Variants in TULP3 observed in about 807,000 individuals in gnomAD.
The protein encoded by TULP3 is TUB like protein 3.
A neutral mutation model predicts 50.7 loss-of-function variants in TULP3; 38 were observed. The observed-to-expected ratio is 0.75, with a 90% CI of 0.58 to 0.98. The LOEUF (loss-of-function observed/expected upper bound fraction) is 0.98. Among genes scored for constraint, TULP3 ranks in the 50% least tolerant of loss-of-function variants. The pLI, the probability that TULP3 is intolerant of heterozygous loss-of-function variation, is 0.00. For missense variants in TULP3, 550 were observed against 568.0 expected (o/e 0.97, Z 0.32); for synonymous variants, 183 against 196.6 (o/e 0.93, Z 0.58).
intron 2 of TULP3, among the ~76,000 whole-genome samples, chr12:2,911,658 C>T (rs2098185689): frequency 9.5e-6 from 1 of 104,826 alleles, no homozygotes; most frequent in South Asian, 3.4e-4. Flanking sequence ...AGCCACTGCG[C>T]CCAGCCTTTT....
At chr12:2,900,645 A>G (rs1444912964) in intron 1 of TULP3, among the ~76,000 whole-genome samples, 1 of 151,498 alleles carries the variant, frequency 6.6e-6, no homozygotes, top group Non-Finnish European at 1.5e-5. Flanking sequence ...TATTGTTAAT[A>G]GTTTGTGTAT....
intron 1 of TULP3, among the ~76,000 whole-genome samples, chr12:2,906,764 A>G (rs929533458): frequency 1.3e-5 from 2 of 150,934 alleles, no homozygotes; most frequent in Admixed American, 6.6e-5. Flanking sequence ...AAAAATACAA[A>G]AATTAGCCGG....
chr12:2,907,475 C>CAAAAAAAAAAAA (rs60356460), intron 1 of TULP3, among the ~76,000 whole-genome samples: 5 of 95,786 alleles, frequency 5.2e-5, no homozygotes, highest in African/African-American at 1.4e-4. Flanking sequence ...ACTCCGTCTC[C>CAAAAAAAAAAAA]AAAAAAAAAA....
chr12:2,899,414 C>G (rs1019684199), intron 1 of TULP3, among the ~76,000 whole-genome samples: 6 of 151,400 alleles, frequency 4.0e-5, no homozygotes, highest in African/African-American at 9.7e-5. Flanking sequence ...TGACGGCAGG[C>G]CAGATTTGGC....
At position 2,909,586 on chromosome 12, in the gene TULP3, C is replaced by A. The variant is rs758298497; in HGVS notation, c.93+6C>A. On this transcript the variant is annotated splice_donor_region_variant and intron_variant, in intron 2 of 10. Coordinates refer to ENST00000448120, the MANE Select transcript of TULP3 (RefSeq NM_003324.5). The stretch of plus-strand genomic sequence containing the variant: ...AGGCTAAGCTGGATTATCAGGTGAG[C>A]AGAGTCTCCTCTTTTGAAATAGGTG... The A allele has an allele frequency of 1.9e-6, 3 of 1,581,786 alleles. No homozygotes were observed. Among genetic ancestry groups the A allele is most frequent in the Non-Finnish European group, 2.6e-6 (3 of 1,170,850 alleles).
At chr12:2,895,068 G>A (rs1190472662) in intron 1 of TULP3, among the ~76,000 whole-genome samples, 2 of 152,136 alleles carry the variant, frequency 1.3e-5, no homozygotes, top group African/African-American at 4.8e-5. Flanking sequence ...TTAACTTCTG[G>A]ATTAAATCAT....
chr12:2,929,955 A>C (rs2098196980), intron 4 of TULP3, among the ~76,000 whole-genome samples: 1 of 152,190 alleles, frequency 6.6e-6, no homozygotes, highest in Non-Finnish European at 1.5e-5. Context: ...TAAGTGTATT[A>C]ACAATGTTGT....
At chr12:2,915,814 G>A (rs573930300) in intron 2 of TULP3, among the ~76,000 whole-genome samples, 10 of 151,836 alleles carry the variant, frequency 6.6e-5, no homozygotes, top group South Asian at 2.1e-4. Flanking sequence ...AAAGTGCTGC[G>A]ATTACAGGCG....
At chr12:2,916,728 T>C (rs190559735) in intron 2 of TULP3, among the ~76,000 whole-genome samples, 1 of 152,324 alleles carries the variant, frequency 6.6e-6, no homozygotes, top group East Asian at 1.9e-4. Context: ...GTAGCACTTC[T>C]CTCCTCCCCC....
intron 2 of TULP3, among the ~76,000 whole-genome samples, chr12:2,909,945 T>C (rs2098184494): frequency 6.6e-6 from 1 of 152,200 alleles, no homozygotes; most frequent in Non-Finnish European, 1.5e-5. Flanking sequence ...AACTGCAAGA[T>C]GGTGTTCTTA....
Position 2,938,211 on chromosome 12 carries a change from C to G in TULP3, c.1121C>G (p.Ser374Cys). 2 of 1,614,150 alleles carry G rather than the reference C, an allele frequency of 1.2e-6. No individual in the cohort carries two copies. Among genetic ancestry groups the G allele is most frequent in the South Asian group, 2.2e-5 (2 of 91,086 alleles). ...CCCGTCTGGAACAGTGACACTCAGT[C>G]CTATGTCCTCAACTTCCGTGGCCGG... ...KAPVWNSDTQSYVLNFRGRVT... is the reference protein window; with the variant it reads ...KAPVWNSDTQCYVLNFRGRVT... Residue 374 changes from serine to cysteine, a missense_variant, in exon 10 of 11, where the codon TCC becomes TGC. Physicochemically the swap from Ser to Cys is moderately radical, Grantham distance 112. Coordinates refer to ENST00000448120, the MANE Select transcript of TULP3 (RefSeq NM_003324.5).
At chr12:2,936,910 A>T (rs1340341497) in intron 8 of TULP3, among the ~76,000 whole-genome samples, 1 of 151,470 alleles carries the variant, frequency 6.6e-6, no homozygotes, top group Non-Finnish European at 1.5e-5. Flanking sequence ...GATCGAGACC[A>T]TCCTAGCCAA....
At chr12:2,931,741 G>C (rs1250202918) in intron 6 of TULP3, among the ~76,000 whole-genome samples, 1 of 152,078 alleles carries the variant, frequency 6.6e-6, no homozygotes, top group Admixed American at 6.6e-5. Flanking sequence ...TTAATACCAG[G>C]TCTTAACAGA....
chr12:2,911,191 G>A (rs1164301786), intron 2 of TULP3, among the ~76,000 whole-genome samples: 4 of 151,074 alleles, frequency 2.6e-5, no homozygotes, highest in Non-Finnish European at 5.9e-5. Context: ...AAGCCTTTTT[G>A]TAGCACAATT....
At chr12:2,916,270 G>A (rs184191428) in intron 2 of TULP3, among the ~76,000 whole-genome samples, 65 of 152,280 alleles carry the variant, frequency 4.3e-4, no homozygotes, top group African/African-American at 1.5e-3. Flanking sequence ...CCAAAGTGCT[G>A]GGATTACAGG....
chr12:2,930,207 AAC>A, intron 4 of TULP3, 39 bp from the exon 5 acceptor site: 1 of 1,378,024 alleles, frequency 7.3e-7, no homozygotes, highest in African/African-American at 1.4e-5. Flanking sequence ...ACCTTTTTTA[AAC>A]AGTGTTGGCA....
At chr12:2,896,141 T>C (rs1400422959) in intron 1 of TULP3, among the ~76,000 whole-genome samples, 1 of 152,136 alleles carries the variant, frequency 6.6e-6, no homozygotes, top group Non-Finnish European at 1.5e-5. Context: ...GGTTTTACCA[T>C]GTTGGTCAAA....
At chr12:2,935,186 A>G (rs1017129837) in intron 8 of TULP3, among the ~76,000 whole-genome samples, 3 of 152,108 alleles carry the variant, frequency 2.0e-5, no homozygotes, top group African/African-American at 4.8e-5. Flanking sequence ...CTCTATTGGC[A>G]TGCCCCTCCT....
chr12:2,931,191 G>T lies in TULP3; in HGVS notation c.647G>T (p.Gly216Val), dbSNP rs746323357. 4 of 1,614,222 alleles carry T rather than the reference G, an allele frequency of 2.5e-6. No individual in the cohort carries two copies. The highest frequency in any genetic ancestry group is 1.6e-4 in the Middle Eastern group (1 of 6,062). The change falls in exon 6 of 11, where the codon GGT (glycine) becomes GTT (valine). Residue 216 changes from glycine (G) to valine (V), a missense_variant. Coordinates refer to ENST00000448120, the MANE Select transcript of TULP3 (RefSeq NM_003324.5). ...IIRDKRGMDR[G>V]LFPTYYMYLE... ...CGGGATAAAAGGGGAATGGATCGGG[G>T]TCTCTTCCCCACCTACTATATGTAC...
Sources: gnomAD v4.1 joint callset for allele counts (sites outside exome capture counted in the v4.1 genomes callset) on GRCh38, gnomAD v4.1.1 for gene constraint, MANE v1.5 for transcripts, NCBI Gene and HGNC (gene_info 2026-07-23, HGNC 2026-07-21) for gene names.